PRKD1: variants seen among roughly 807,000 people sequenced by gnomAD.
PRKD1 encodes the protein serine/threonine-protein kinase D1.
Under a neutral mutation model 95.9 loss-of-function variants are expected in PRKD1, and 63 were observed. That is an observed-to-expected ratio of 0.66 (90% CI 0.54 to 0.81). PRKD1 has a LOEUF of 0.81. Ranked by LOEUF, PRKD1 falls within the 30% of genes least tolerant of loss-of-function variation. The probability of loss-of-function intolerance (pLI) is 0.00; values close to 1 mark genes in which losing one functional copy is unlikely to be tolerated. For missense variants in PRKD1, 1,048 were observed against 1,165.3 expected (o/e 0.90, Z 1.47); for synonymous variants, 425 against 423.1 (o/e 1.00, Z -0.05).
At chr14:29,879,315 G>A (rs1297634263) in intron 1 of PRKD1, among the ~76,000 whole-genome samples, 1 of 152,208 alleles carries the variant, frequency 6.6e-6, no homozygotes, top group East Asian at 1.9e-4. Context: ...TTAATCCTGG[G>A]GGCCGGTCTC....
At chr14:29,615,166 A>C (rs1392374673) in intron 13 of PRKD1, among the ~76,000 whole-genome samples, 2 of 152,196 alleles carry the variant, frequency 1.3e-5, no homozygotes, top group Non-Finnish European at 2.9e-5. Flanking sequence ...CTGTTGTTAA[A>C]GAAAAGCCTA....
intron 4 of PRKD1, 139 bp from the exon 5 acceptor site, chr14:29,639,043 T>A (rs1880579434): frequency 1.6e-6 from 1 of 619,768 alleles, no homozygotes; most frequent in Non-Finnish European, 2.6e-6. Flanking sequence ...GTATTTCTGT[T>A]AATTAATATA....
At chr14:29,682,989 G>C (rs1230343428) in intron 2 of PRKD1, among the ~76,000 whole-genome samples, 1 of 152,168 alleles carries the variant, frequency 6.6e-6, no homozygotes. Context: ...GCCTTGTGTA[G>C]AGAGGCCTGG....
intron 4 of PRKD1, among the ~76,000 whole-genome samples, chr14:29,663,267 T>C (rs948709331): frequency 6.6e-6 from 1 of 151,434 alleles, no homozygotes; most frequent in Non-Finnish European, 1.5e-5. Context: ...TATGCCAGTA[T>C]GCCAAGCAAT....
In PRKD1 at chr14:29,636,411, T is replaced by A; in HGVS notation, c.1069A>T (p.Met357Leu). ...ACCATTGCTTCTTCCATATCATCCA[T>A]GAGCCCACTGTTCCTTTCACTATCA... is the stretch of plus-strand genomic sequence containing the variant. ...DNDSERNSGL[M>L]DDMEEAMVQD... Residue 357 changes from methionine (M) to leucine (L), a missense_variant, in exon 7 of 18, where the codon ATG becomes TTG. Physicochemically the swap from Met to Leu is conservative, Grantham distance 15. This residue lies in a region of PRKD1 where 739 missense variants were observed against 861.9 expected (regional missense o/e 0.86). Coordinates refer to ENST00000331968, the MANE Select transcript of PRKD1 (RefSeq NM_002742.3). 6.2e-7 allele frequency: 1 copy of A among 1,614,140 alleles called. No homozygotes were observed. The highest frequency in any genetic ancestry group is 8.5e-7 in the Non-Finnish European group (1 of 1,180,022).
chr14:29,646,149 G>C (rs2139160616), intron 4 of PRKD1, among the ~76,000 whole-genome samples: 1 of 152,220 alleles, frequency 6.6e-6, no homozygotes, highest in Admixed American at 6.5e-5. Flanking sequence ...CAGAAAGGGG[G>C]TTTCCTGAAG....
chr14:29,920,377 C>T (rs552059185), intron 1 of PRKD1, among the ~76,000 whole-genome samples: 2 of 151,858 alleles, frequency 1.3e-5, no homozygotes, highest in African/African-American at 4.8e-5. Flanking sequence ...AAGGTGATGG[C>T]GCAAGGTCAG....
intron 1 of PRKD1, among the ~76,000 whole-genome samples, chr14:29,762,064 C>CTG (rs1011203685): frequency 6.6e-6 from 1 of 152,114 alleles, no homozygotes; most frequent in African/African-American, 2.4e-5. Flanking sequence ...GAGCCACTCA[C>CTG]TGCACCTGGC....
intron 1 of PRKD1, among the ~76,000 whole-genome samples, chr14:29,826,720 T>TATATAC (rs1891160162): frequency 1.6e-5 from 1 of 63,532 alleles, no homozygotes; most frequent in African/African-American, 6.0e-5. Context: ...CATATATATA[T>TATATAC]ACATATATAT....
At chr14:29,893,330 A>G (rs905731559) in intron 1 of PRKD1, among the ~76,000 whole-genome samples, 5 of 151,930 alleles carry the variant, frequency 3.3e-5, no homozygotes, top group African/African-American at 1.2e-4. Context: ...TAATAACCAA[A>G]GTTATTCTTT....
intron 1 of PRKD1, among the ~76,000 whole-genome samples, chr14:29,768,070 G>C (rs924297459): frequency 3.9e-5 from 6 of 152,074 alleles, no homozygotes; most frequent in Non-Finnish European, 2.9e-5. Flanking sequence ...ACTTCTGAAC[G>C]GAGCAAGACC....
In PRKD1 at chr14:29,630,729, C is replaced by T. The variant is rs763950128; in HGVS notation, c.1672+13G>A. On this transcript the variant is annotated intron_variant, in intron 10 of 17. Transcript: ENST00000331968. ...GATGAGCTTTGGGCTGGTTAGAAAA[C>T]TGGCAGACTCACTGTGCAAGTTGGT... is the stretch of plus-strand genomic sequence containing the variant. The T allele has an allele frequency of 1.9e-6, 3 of 1,613,924 alleles. No homozygotes were observed. Among genetic ancestry groups the T allele is most frequent in the Non-Finnish European group, 2.5e-6 (3 of 1,179,904 alleles).
intron 13 of PRKD1, among the ~76,000 whole-genome samples, chr14:29,620,278 T>C (rs1333775146): frequency 1.3e-5 from 2 of 151,778 alleles, no homozygotes; most frequent in Non-Finnish European, 2.9e-5. Context: ...GGACTTCATA[T>C]CTAAAACACC....
chr14:29,677,045 T>C (rs1016897117), intron 2 of PRKD1, among the ~76,000 whole-genome samples: 2 of 152,216 alleles, frequency 1.3e-5, no homozygotes, highest in African/African-American at 2.4e-5. Flanking sequence ...TTCCAGAAAG[T>C]TGAACTGGAC....
Position 29,927,755 on chromosome 14 carries a change from G to C in PRKD1, c.-243C>G, listed in dbSNP as rs1895366857. 5.4e-6 allele frequency: 1 copy of C among 183,936 alleles called. No homozygotes were observed. Among genetic ancestry groups the C allele is most frequent in the Non-Finnish European group, 1.1e-5 (1 of 90,474 alleles). 11.4% of individuals were successfully genotyped at this position (183,936 alleles called of 1,614,324 possible). ...CGAGGCGGGAGGACTCTGAGGCCCG[G>C]AACGCGGCAGCCGGCTCGGGGCCGC... On this transcript the variant is annotated 5_prime_UTR_variant, in exon 1 of 18. Coordinates refer to ENST00000331968, the MANE Select transcript of PRKD1 (RefSeq NM_002742.3).
At chr14:29,843,422 T>G (rs897804970) in intron 1 of PRKD1, among the ~76,000 whole-genome samples, 1 of 152,122 alleles carries the variant, frequency 6.6e-6, no homozygotes, top group African/African-American at 2.4e-5. Context: ...GTGCAAGGTA[T>G]AAACTATAGG....
rs1892728898 is a variant in PRKD1 at position 29,862,005 on chromosome 14, G to A, written c.264+65244C>T. Among the ~76,000 whole-genome samples the A allele has an allele frequency of 3.3e-5, 5 of 152,010 alleles. No individual in the cohort carries two copies. The South Asian group carries it at 1.0e-3, about 32-fold the overall frequency. ...AACTATTCTTTTGTACCCATTAACT[G>A]TCCCAGCCTCCCTTCTGTCCCCTCA... On this transcript the variant is annotated intron_variant, in intron 1 of 17. Transcript: ENST00000331968.
At chr14:29,734,183 C>G (rs1886604517) in intron 1 of PRKD1, among the ~76,000 whole-genome samples, 1 of 151,740 alleles carries the variant, frequency 6.6e-6, no homozygotes, top group Non-Finnish European at 1.5e-5. Flanking sequence ...GCTGGGATTA[C>G]AGGTGCCCAC....
chr14:29,852,229 T>A (rs1321680415), intron 1 of PRKD1, among the ~76,000 whole-genome samples: 1 of 151,992 alleles, frequency 6.6e-6, no homozygotes, highest in African/African-American at 2.4e-5. Flanking sequence ...CCCTTGAATC[T>A]AAAATAAAAG....
Sources: gnomAD v4.1 joint callset for allele counts (sites outside exome capture counted in the v4.1 genomes callset) on GRCh38, gnomAD v4.1.1 for gene constraint, gnomAD v4.1.1 regional missense constraint, MANE v1.5 for transcripts, NCBI Gene and HGNC (gene_info 2026-07-23, HGNC 2026-07-21) for gene names.